NEB: variants seen among roughly 807,000 people sequenced by gnomAD.
The protein encoded by NEB is nemaline myopathy type 2.
Under a neutral mutation model 952.2 loss-of-function variants are expected in NEB, and 512 were observed. That is an observed-to-expected ratio of 0.54 (90% CI 0.50 to 0.58). NEB has a LOEUF of 0.58. Ranked by LOEUF, NEB falls within the 20% of genes least tolerant of loss-of-function variation. NEB has a pLI of 0.00. For synonymous variants in NEB, 2,900 were observed against 3,149.8 expected (o/e 0.92, Z 2.66); for missense variants, 8,428 against 9,231.1 (o/e 0.91, Z 3.56).
intron 117 of NEB, among the ~76,000 whole-genome samples, 199 bp from the exon 118 acceptor site, chr2:151,564,129 TTA>T (rs1253734874): frequency 6.6e-6 from 1 of 152,024 alleles, no homozygotes; most frequent in African/African-American, 2.4e-5. Flanking sequence ...TCGAGGCATT[TTA>T]TTTTTTATTT....
chr2:151,566,370 T>C (rs1340754191), intron 114 of NEB, among the ~76,000 whole-genome samples: 2 of 152,204 alleles, frequency 1.3e-5, no homozygotes, highest in African/African-American at 4.8e-5. Context: ...TAAGAAGAGT[T>C]GCTATTCTGA....
chr2:151,560,845 G>A (rs530736055), intron 123 of NEB, 146 bp from the exon 124 acceptor site: 1 of 766,460 alleles, frequency 1.3e-6, no homozygotes, highest in East Asian at 2.7e-5. Context: ...TTATTTAATT[G>A]TACCTACTAG....
chr2:151,656,302 G>T lies in NEB; in HGVS notation c.6346C>A (p.Pro2116Thr). Residue 2116 changes from proline (P) to threonine (T), a missense_variant, in exon 49 of 182, where the codon CCT becomes ACT. Transcript: ENST00000397345. Reference protein sequence around the residue: ...YENTKTSYHTPADMLSVTAAK... With the variant: ...YENTKTSYHTTADMLSVTAAK... ...GCCGTGACACTGAGCATGTCGGCAG[G>T]GGTGTGGTAGCTGGTCTTTGTGTTC... is the stretch of plus-strand genomic sequence containing the variant. The T allele has an allele frequency of 6.2e-7, 1 of 1,613,704 alleles. No homozygotes were observed. The highest frequency in any genetic ancestry group is 8.5e-7 in the Non-Finnish European group (1 of 1,179,758).
intron 9 of NEB, among the ~76,000 whole-genome samples, chr2:151,718,017 C>A (rs2099764314): frequency 6.6e-6 from 1 of 152,126 alleles, no homozygotes; most frequent in Admixed American, 6.5e-5. Context: ...CCGTGCCCGG[C>A]TAATTTGTTG....
intron 50 of NEB, 76 bp downstream of exon 50, chr2:151,655,741 T>C: frequency 6.8e-7 from 1 of 1,480,840 alleles, no homozygotes; most frequent in Non-Finnish European, 9.4e-7. Flanking sequence ...CTTAATTAGA[T>C]TTCTCCAAAC....
Position 151,618,416 on chromosome 2 carries a change from C to T in NEB, c.10935G>A (p.Leu3645=), listed in dbSNP as rs1385550407. The T allele has an allele frequency of 6.2e-7, 1 of 1,613,886 alleles. No homozygotes were observed. Among genetic ancestry groups the T allele is most frequent in the Non-Finnish European group, 8.5e-7 (1 of 1,179,852 alleles). Reference sequence around the variant, plus strand: ...CAGCTCTCTTGGCCCTAACAACTTCCAAGGAATCAATCGGAACCCAGCCAA... The same window carrying T: ...CAGCTCTCTTGGCCCTAACAACTTCTAAGGAATCAATCGGAACCCAGCCAA... ...KGIGWVPIDS[L]EVVRAKRAGE... is the part of the protein sequence containing the mutation. The change falls in exon 74 of 182, where the codon TTG becomes TTA. Residue 3645 remains leucine (L), a synonymous_variant. Transcript: ENST00000397345.
Position 151,679,857 on chromosome 2 carries a change from C to A in NEB, c.3148-29G>T, listed in dbSNP as rs373225058. The A allele has an allele frequency of 3.1e-6, 5 of 1,609,822 alleles. No individual in the cohort carries two copies. In the African/African-American group the frequency reaches 4.0e-5, roughly 13 times the overall value. ...AAAGAAAAATGTCATTTAAGTACAA[C>A]TTAGAGACTGTGTTAGTAAAGTCTG... On this transcript the variant is annotated intron_variant, in intron 31 of 181. Transcript: ENST00000397345.
At chr2:151,610,436 T>C (rs2097905446) in intron 80 of NEB, 80 bp downstream of exon 80, 5 of 1,032,426 alleles carry the variant, frequency 4.8e-6, no homozygotes, top group South Asian at 2.8e-5. Context: ...GAAATCACTA[T>C]AGAGTGTGTG....
In NEB at chr2:151,533,482, T is replaced by C; in HGVS notation, c.21377A>G (p.Asp7126Gly). 6.4e-7 allele frequency: 1 copy of C among 1,551,626 alleles called. No individual in the cohort carries two copies. Among genetic ancestry groups the C allele is most frequent in the Non-Finnish European group, 8.7e-7 (1 of 1,146,878 alleles). ...QHGCNEILRP[D>G]MLTALYNSHM... is the part of the protein sequence containing the mutation. ...CGAATTGTAGAGAGCAGTCAACATA[T>C]CTGGACGCAGAATTTCATTACATCC... The change falls in exon 143 of 182, where the codon GAT becomes GGT. Residue 7126 changes from aspartate (D) to glycine (G), a missense_variant. Around this residue, in one of 11 missense-constraint regions of NEB, gnomAD observed 3,374 missense variants for 3,651.5 expected, o/e 0.92. Transcript: ENST00000397345.
intron 173 of NEB, 32 bp downstream of exon 173, chr2:151,496,244 G>C (rs1231785186): frequency 6.6e-7 from 1 of 1,520,684 alleles, no homozygotes; most frequent in African/African-American, 1.4e-5. Context: ...TTTAAAATCA[G>C]TAAGTAGTTT....
chr2:151,509,909 A>G (rs1022547087), intron 161 of NEB, among the ~76,000 whole-genome samples: 10 of 152,304 alleles, frequency 6.6e-5, no homozygotes, highest in African/African-American at 2.2e-4. Flanking sequence ...CGCCCGACCA[A>G]GAGTTTTTAT....
Position 151,537,126 on chromosome 2 carries a change from A to G in NEB, c.21207+6T>C, listed in dbSNP as rs1163183058. The G allele has an allele frequency of 3.8e-6, 6 of 1,583,032 alleles. No homozygotes were observed. The highest frequency in any genetic ancestry group is 5.2e-6 in the Non-Finnish European group (6 of 1,152,310). On this transcript the variant is annotated splice_donor_region_variant and intron_variant, in intron 141 of 181. Transcript: ENST00000397345. Reference sequence around the variant, plus strand: ...GATGAGGCCAATTCTCCTTGAGTATATATACCTTGCTGTAGAGAGTCTTGT... The same window carrying G: ...GATGAGGCCAATTCTCCTTGAGTATGTATACCTTGCTGTAGAGAGTCTTGT...
intron 29 of NEB, 29 bp downstream of exon 29, chr2:151,682,633 T>A (rs201646087): frequency 7.6e-5 from 118 of 1,542,798 alleles, no homozygotes; most frequent in Non-Finnish European, 1.0e-4. Context: ...CAGTCACCAC[T>A]CTCCCTCTGA....
At chr2:151,713,744 TCTGA>T (rs2099751748) in intron 10 of NEB, among the ~76,000 whole-genome samples, 1 of 152,160 alleles carries the variant, frequency 6.6e-6, no homozygotes, top group African/African-American at 2.4e-5. Context: ...TATGAACAAC[TCTGA>T]CTGTTCATCT....
chr2:151,676,235 C>A (rs1259756061), intron 34 of NEB, among the ~76,000 whole-genome samples: 1 of 152,194 alleles, frequency 6.6e-6, no homozygotes, highest in Non-Finnish European at 1.5e-5. Context: ...CAAAGAGTTA[C>A]CTCTAAGTCC....
chr2:151,563,762 A>ACCAG (rs1414710442), intron 118 of NEB, 43 bp from the exon 119 acceptor site: 1 of 1,604,796 alleles, frequency 6.2e-7, no homozygotes, highest in Admixed American at 1.7e-5. Flanking sequence ...GAGTTTCCTA[A>ACCAG]CCAGCCCCTT....
At chr2:151,621,793 T>C (rs1034612778) in intron 71 of NEB, among the ~76,000 whole-genome samples, 1 of 152,352 alleles carries the variant, frequency 6.6e-6, no homozygotes, top group Non-Finnish European at 1.5e-5. Context: ...TGATTCTGTA[T>C]CCTCTTAACG....
chr2:151,564,973 A>G, intron 117 of NEB, 71 bp downstream of exon 117: 2 of 914,778 alleles, frequency 2.2e-6, no homozygotes, highest in Middle Eastern at 2.3e-4. Flanking sequence ...TGACAAAATC[A>G]GCCAAGAATA....
At chr2:151,581,969 TAGTAA>T (rs1037292030) in intron 102 of NEB, among the ~76,000 whole-genome samples, 5 of 149,814 alleles carry the variant, frequency 3.3e-5, no homozygotes, top group Admixed American at 2.7e-4. Flanking sequence ...AGAAATATGG[TAGTAA>T]AATTATTCTT....
Sources: gnomAD v4.1 joint callset for allele counts (sites outside exome capture counted in the v4.1 genomes callset) on GRCh38, gnomAD v4.1.1 for gene constraint, gnomAD v4.1.1 regional missense constraint, MANE v1.5 for transcripts, NCBI Gene and HGNC (gene_info 2026-07-23, HGNC 2026-07-21) for gene names.